Variants in TUB observed in about 807,000 individuals in gnomAD.
TUB encodes TUB bipartite transcription factor.
A neutral mutation model predicts 59.7 loss-of-function variants in TUB; 33 were observed. The observed-to-expected ratio is 0.55, with a 90% CI of 0.42 to 0.74. The LOEUF (loss-of-function observed/expected upper bound fraction) is 0.74, where lower values mean the gene tolerates loss of function less well. TUB is among the 30% of genes least tolerant of loss of function. The pLI is 0.00. For synonymous variants in TUB, 293 were observed against 256.4 expected, an observed-to-expected ratio of 1.14 and a Z score of -1.36; for missense variants, 659 against 672.0, an observed-to-expected ratio of 0.98 and a Z score of 0.21.
At chr11:8,063,619 G>C (rs577903265) in intron 2 of TUB, among the ~76,000 whole-genome samples, 1 of 152,070 alleles carries the variant, frequency 6.6e-6, no homozygotes, top group Non-Finnish European at 1.5e-5. Flanking sequence ...TGAACCTTTG[G>C]GCTCCTTCCA....
intron 1 of TUB, among the ~76,000 whole-genome samples, chr11:8,083,255 G>A (rs1434778532): frequency 6.6e-6 from 1 of 152,204 alleles, no homozygotes; most frequent in Non-Finnish European, 1.5e-5. Flanking sequence ...GGGTCCAGAT[G>A]GCAGGGTGGT....
chr11:8,038,906 G>T lies in TUB; in HGVS notation c.33G>T (p.Trp11Cys), dbSNP rs1465224940. The T allele has an allele frequency of 6.2e-7, 1 of 1,614,060 alleles. No individual in the cohort carries two copies. Among genetic ancestry groups the T allele is most frequent in the Admixed American group, 1.7e-5 (1 of 60,022 alleles). ...CCAGGACACCTTTGCCTTCTTTCTG[G>T]GTTTCTTTCTTTGCCGAGACAGGGA... The change falls in exon 1 of 13, where the codon TGG becomes TGT. Residue 11 changes from tryptophan to cysteine, a missense_variant. Physicochemically the swap from Trp to Cys is radical, Grantham distance 215. Coordinates refer to the TUB transcript ENST00000305253.
At chr11:8,049,461 C>T (rs1478596453) in intron 2 of TUB, among the ~76,000 whole-genome samples, 6 of 151,846 alleles carry the variant, frequency 4.0e-5, no homozygotes, top group Non-Finnish European at 8.8e-5. Flanking sequence ...CTGGCCGAGG[C>T]CCAGCAAAGA....
At chr11:8,073,033 C>T (rs1266009179) in intron 2 of TUB, among the ~76,000 whole-genome samples, 2 of 152,184 alleles carry the variant, frequency 1.3e-5, no homozygotes, top group Non-Finnish European at 2.9e-5. Flanking sequence ...GAGAGGACAT[C>T]CTCACTTAAG....
chr11:8,100,947 G>C lies in TUB; in HGVS notation c.1337G>C (p.Arg446Pro). ...TQSYVLNFHG[R>P]VTQASVKNFQ... ...TCCTATGTACTCAACTTCCATGGGC[G>C]CGTCACACAGGCCTCCGTGAAGAAC... Residue 446 changes from arginine to proline, a missense_variant, in exon 11 of 12, where the codon CGC (arginine) becomes CCC (proline). Physicochemically the swap from Arg to Pro is moderately radical, Grantham distance 103 (BLOSUM62 -2). Transcript: ENST00000299506. 6.2e-7 allele frequency: 1 copy of C among 1,614,164 alleles called. No individual in the cohort carries two copies. The highest frequency in any genetic ancestry group is 8.5e-7 in the Non-Finnish European group (1 of 1,180,028).
At position 8,098,798 on chromosome 11, in the gene TUB, G is replaced by A; in HGVS notation, c.1039G>A (p.Gly347Arg). The A allele has an allele frequency of 6.2e-7, 1 of 1,614,110 alleles. No homozygotes were observed. The highest frequency in any genetic ancestry group is 1.1e-5 in the South Asian group (1 of 91,072). ...CACCAAGTTCACTGTTTATGACAAT[G>A]GAGTCAACCCTCAGAAGGCCTCATC... ...MGTKFTVYDN[G>R]VNPQKASSST... Residue 347 changes from glycine to arginine, a missense_variant, in exon 9 of 12, where the codon GGA (glycine) becomes AGA (arginine). Gly to Arg is a moderately radical substitution (Grantham distance 125). Transcript: ENST00000299506.
At chr11:8,035,193 C>T (rs1310529084), upstream of TUB, among the ~76,000 whole-genome samples, 1 of 152,162 alleles carries the variant, frequency 6.6e-6, no homozygotes, top group African/African-American at 2.4e-5. Flanking sequence ...AAAATGAATG[C>T]AAAGCACATA....
At chr11:8,097,114 A>G (rs1273768277) in intron 6 of TUB, 114 bp from the exon 7 acceptor site, 2 of 1,225,200 alleles carry the variant, frequency 1.6e-6, no homozygotes, top group Non-Finnish European at 2.3e-6. Context: ...CCCCAATCCC[A>G]GGATCCTTCC....
At chr11:8,035,127 C>T (rs909967545), upstream of TUB, among the ~76,000 whole-genome samples, 5 of 152,152 alleles carry the variant, frequency 3.3e-5, no homozygotes, top group African/African-American at 1.2e-4. Context: ...CAAAGGACCT[C>T]GAACAAGCTC....
rs1270672676 is a variant in TUB at position 8,095,496 on chromosome 11, A to C, written c.398-2A>C. The C allele has an allele frequency of 6.2e-7, 1 of 1,606,660 alleles. No homozygotes were observed. The highest frequency in any genetic ancestry group is 1.7e-5 in the Admixed American group (1 of 59,882). Reference sequence around the variant, plus strand: ...TAACTCAGGCGTGTCCGTGGCCTGCAGGCACCAGCGGGCCAGCAGCACTGG... The same window carrying C: ...TAACTCAGGCGTGTCCGTGGCCTGCCGGCACCAGCGGGCCAGCAGCACTGG... On this transcript the variant is annotated splice_acceptor_variant, in intron 4 of 11. Transcript: ENST00000299506. LOFTEE classifies it high-confidence loss of function.
chr11:8,097,836 T>C lies in TUB; in HGVS notation c.998+10T>C, dbSNP rs368161835. ...ATATCGGGAAACTGCGGTACTAGCA[T>C]TCCCCCAGGAAGCAGGCGGGAGTGG... On this transcript the variant is annotated intron_variant, in intron 8 of 11. Transcript: ENST00000299506. 4.7e-5 allele frequency: 75 copies of C among 1,609,404 alleles called. No homozygotes were observed. In the African/African-American group the frequency reaches 8.1e-4, roughly 17 times the overall value.
At chr11:8,084,010 A>G (rs7944370) in intron 1 of TUB, among the ~76,000 whole-genome samples, 68,968 of 152,118 alleles carry the variant, frequency 0.45, 19,426 homozygotes, top group Middle Eastern at 0.63. Context: ...ACTGGGGCAG[A>G]AGACAGACAA....
intron 4 of TUB, 63 bp downstream of exon 4, chr11:8,094,252 G>A: frequency 1.3e-6 from 2 of 1,523,514 alleles, no homozygotes; most frequent in Non-Finnish European, 1.8e-6. Flanking sequence ...GGCTGGGGAA[G>A]GTTTGTCCTC....
intron 2 of TUB, among the ~76,000 whole-genome samples, chr11:8,053,612 T>C (rs1312912292): frequency 6.6e-6 from 1 of 151,118 alleles, no homozygotes; most frequent in Non-Finnish European, 1.5e-5. Context: ...GCCATTCTCC[T>C]GCCTCAGTCT....
At chr11:8,036,476 C>T (rs181088326), upstream of TUB, among the ~76,000 whole-genome samples, 225 of 152,364 alleles carry the variant, frequency 1.5e-3, 1 homozygote, top group Non-Finnish European at 2.4e-3. Flanking sequence ...GCTCACCATT[C>T]AGTGCACTAA....
chr11:8,031,605 C>T (rs1037880233), intron 1 of TUB, among the ~76,000 whole-genome samples: 3 of 152,282 alleles, frequency 2.0e-5, no homozygotes, highest in Non-Finnish European at 4.4e-5. Context: ...TGGGGCAATC[C>T]GGGGCCGCAT....
chr11:8,056,351 T>C (rs1321002534), intron 2 of TUB, among the ~76,000 whole-genome samples: 1 of 151,980 alleles, frequency 6.6e-6, no homozygotes, highest in Non-Finnish European at 1.5e-5. Context: ...GTGAGGGCCA[T>C]ATGGGAATGC....
Position 8,094,080 on chromosome 11 carries a change from G to A in TUB, c.288G>A (p.Leu96=), listed in dbSNP as rs1943876985. The A allele has an allele frequency of 6.2e-7, 1 of 1,614,186 alleles. No individual in the cohort carries two copies. Among genetic ancestry groups the A allele is most frequent in the Non-Finnish European group, 8.5e-7 (1 of 1,180,038 alleles). Residue 96 remains leucine, a synonymous_variant, in exon 4 of 12, where the codon CTG becomes CTA. Coordinates refer to ENST00000299506, the MANE Select transcript of TUB (RefSeq NM_177972.3). Reference sequence around the variant, plus strand: ...CCGACTCACTCGCCAGTGTGCAGCTGGGAGCCACGCGCCCAACAGCACCAG... The same window carrying A: ...CCGACTCACTCGCCAGTGTGCAGCTAGGAGCCACGCGCCCAACAGCACCAG... The part of the protein sequence containing the change: ...QEADSLASVQ[L]GATRPTAPAS...
chr11:8,038,996 T>G, exon 1 of TUB: 4 of 1,613,804 alleles, frequency 2.5e-6, no homozygotes, highest in Non-Finnish European at 3.4e-6. Flanking sequence ...ACAGGAAACC[T>G]GGGCCCCTGA....
Sources: allele counts gnomAD v4.1 joint callset (sites outside exome capture counted in the v4.1 genomes callset), GRCh38; gene constraint gnomAD v4.1.1; transcripts MANE v1.5; gene names NCBI Gene and HGNC (gene_info 2026-07-23, HGNC 2026-07-21).